The following MYOF variants were observed in gnomAD, a reference collection of about 807,000 sequenced individuals.
The protein encoded by MYOF is fer-1-like 3, myoferlin.
Under a neutral mutation model 284.2 loss-of-function variants are expected in MYOF, and 244 were observed. That is an observed-to-expected ratio of 0.86 (90% CI 0.77 to 0.95). The LOEUF is 0.95. MYOF is among the 40% of genes least tolerant of loss of function. The pLI is 0.00. For synonymous variants in MYOF, 904 were observed against 919.7 expected (o/e 0.98, Z 0.31); for missense variants, 2,496 against 2,560.6 (o/e 0.97, Z 0.54).
intron 2 of MYOF, among the ~76,000 whole-genome samples, chr10:93,452,817 A>G (rs1420942771): frequency 6.6e-6 from 1 of 152,194 alleles, no homozygotes; most frequent in Admixed American, 6.5e-5. Flanking sequence ...CTACTATCAA[A>G]CAAAGAAGAT....
chr10:93,411,347 T>C (rs1847891793), intron 5 of MYOF, among the ~76,000 whole-genome samples: 1 of 152,194 alleles, frequency 6.6e-6, no homozygotes, highest in African/African-American at 2.4e-5. Flanking sequence ...CTGCCTCCCA[T>C]GATGGAAGAA....
intron 40 of MYOF, 110 bp downstream of exon 40, chr10:93,337,705 C>G (rs1214438046): frequency 1.2e-6 from 1 of 825,440 alleles, no homozygotes; most frequent in Non-Finnish European, 1.9e-6. Flanking sequence ...TTCCTGGGCC[C>G]TGCTCATTAG....
Position 93,402,154 on chromosome 10 carries a change from T to G in MYOF, c.990+78A>C, listed in dbSNP as rs367660207. 6.2e-6 allele frequency: 7 copies of G among 1,123,914 alleles called. No individual in the cohort carries two copies. The East Asian group carries it at 9.4e-5, about 15-fold the overall frequency. 69.6% of individuals were successfully genotyped at this position (1,123,914 alleles called of 1,614,324 possible). On this transcript the variant is annotated intron_variant, in intron 11 of 53. Coordinates refer to ENST00000359263, the MANE Select transcript of MYOF (RefSeq NM_013451.4). ...CGGGAAGCTGTGCTCCATTTCACAA[T>G]TACCCATGCCCACATGCTTAACTCT... is the stretch of plus-strand genomic sequence containing the variant.
At chr10:93,309,205 A>G (rs1026200665) in intron 53 of MYOF, among the ~76,000 whole-genome samples, 1 of 152,168 alleles carries the variant, frequency 6.6e-6, no homozygotes, top group African/African-American at 2.4e-5. Flanking sequence ...TTCTGTCTCC[A>G]TAACAGCTCA....
In MYOF at chr10:93,353,842, G is replaced by T. The variant is rs1381377728; in HGVS notation, c.3450C>A (p.Asn1150Lys). 2.5e-6 allele frequency: 4 copies of T among 1,609,984 alleles called. No homozygotes were observed. The highest frequency in any genetic ancestry group is 1.7e-5 in the Admixed American group (1 of 59,774). Residue 1150 changes from asparagine (N) to lysine (K), a missense_variant, in exon 32 of 54, where the codon AAC (asparagine) becomes AAA (lysine). This residue lies in a region of MYOF where 2,436 missense variants were observed against 2,480.7 expected (regional missense o/e 0.98). Coordinates refer to ENST00000359263, the MANE Select transcript of MYOF (RefSeq NM_013451.4). ...AGCTATCCTTATCTAAAGCCAAGAG[G>T]TTTCTGGCTTGATAGACATAGCAGC... The part of the protein sequence containing the change: ...HLRCYVYQAR[N>K]LLALDKDSFS...
intron 10 of MYOF, 41 bp downstream of exon 10, chr10:93,402,819 T>C: frequency 6.4e-7 from 1 of 1,558,858 alleles, no homozygotes; most frequent in Non-Finnish European, 8.8e-7. Context: ...TTAGAAGGAA[T>C]GAATTTAAGA....
chr10:93,423,396 G>A (rs1198743051), intron 5 of MYOF, among the ~76,000 whole-genome samples: 3 of 151,156 alleles, frequency 2.0e-5, no homozygotes, highest in Non-Finnish European at 4.4e-5. Flanking sequence ...GTGTGGTCGC[G>A]GGCGCCTGTA....
intron 43 of MYOF, 29 bp from the exon 44 acceptor site, chr10:93,329,863 T>A: frequency 6.2e-7 from 1 of 1,612,058 alleles, no homozygotes; most frequent in African/African-American, 1.3e-5. Flanking sequence ...GGTCAGAATC[T>A]TCATGATCCA....
chr10:93,398,244 G>T (rs1194029056), intron 13 of MYOF, among the ~76,000 whole-genome samples: 1 of 151,962 alleles, frequency 6.6e-6, no homozygotes, highest in East Asian at 1.9e-4. Flanking sequence ...CCTTCTCCCT[G>T]CCTGGATGCC....
intron 1 of MYOF, among the ~76,000 whole-genome samples, chr10:93,465,766 C>T (rs112605250): frequency 3.9e-5 from 6 of 152,206 alleles, no homozygotes; most frequent in African/African-American, 1.4e-4. Flanking sequence ...CCGCCCACCT[C>T]CGCCTCCCAA....
At chr10:93,319,512 G>A (rs1667957805) in intron 49 of MYOF, among the ~76,000 whole-genome samples, 1 of 152,010 alleles carries the variant, frequency 6.6e-6, no homozygotes, top group Admixed American at 6.6e-5. Flanking sequence ...TTAATACTGG[G>A]CCTCTGCTTG....
chr10:93,399,532 A>G lies in MYOF; in HGVS notation c.1118-37T>C, dbSNP rs541368873. Reference sequence around the variant, plus strand: ...TAGTTATACAGCAGAAATTAAATTCAATTCCCAGAAATTTGGCAAAATTTT... The same window carrying G: ...TAGTTATACAGCAGAAATTAAATTCGATTCCCAGAAATTTGGCAAAATTTT... On this transcript the variant is annotated intron_variant, in intron 12 of 53. Transcript: ENST00000359263. The G allele has an allele frequency of 1.4e-4, 212 of 1,522,130 alleles. 5 individuals carry two copies. In the South Asian group the frequency reaches 2.3e-3, roughly 17 times the overall value. The allele number at this position is 1,522,130 out of a possible 1,614,324, so 94.3% of individuals were successfully genotyped here.
intron 3 of MYOF, among the ~76,000 whole-genome samples, chr10:93,447,694 A>G (rs944703538): frequency 6.6e-6 from 1 of 152,106 alleles, no homozygotes; most frequent in Non-Finnish European, 1.5e-5. Flanking sequence ...ATTAGTCTCA[A>G]AGTGTGACGT....
intron 19 of MYOF, among the ~76,000 whole-genome samples, chr10:93,382,312 T>C (rs1470207081): frequency 1.3e-5 from 2 of 152,038 alleles, no homozygotes; most frequent in Admixed American, 6.6e-5. Flanking sequence ...GATCACGGCT[T>C]ACTACAGCTT....
intron 37 of MYOF, among the ~76,000 whole-genome samples, chr10:93,345,266 A>G (rs1452812062): frequency 1.3e-5 from 2 of 152,238 alleles, no homozygotes; most frequent in Non-Finnish European, 2.9e-5. Flanking sequence ...GTCCTGTAGA[A>G]TATGTGCCAT....
At position 93,443,258 on chromosome 10, in the gene MYOF, A is replaced by C. The variant is rs1412761630; in HGVS notation, c.236+8792T>G. On this transcript the variant is annotated intron_variant, in intron 3 of 53. Coordinates refer to ENST00000359263, the MANE Select transcript of MYOF (RefSeq NM_013451.4). ...GGTCAGTTTCTATTGATTGTTTTCTACCTACATTAGGGAGGCAAAATCCTT... is the reference window on the plus strand; with the variant it reads ...GGTCAGTTTCTATTGATTGTTTTCTCCCTACATTAGGGAGGCAAAATCCTT... Among the ~76,000 whole-genome samples the C allele has an allele frequency of 9.2e-5, 14 of 152,218 alleles. No individual in the cohort carries two copies. The East Asian group carries it at 2.3e-3, about 25-fold the overall frequency.
Position 93,340,181 on chromosome 10 carries a change from C to T in MYOF, c.4327-17G>A, listed in dbSNP as rs1371298860. 1.2e-6 allele frequency: 2 copies of T among 1,613,918 alleles called. No individual in the cohort carries two copies. The highest frequency in any genetic ancestry group is 4.5e-5 in the East Asian group (2 of 44,866). Reference sequence around the variant, plus strand: ...TTCTGTCAGCTGCTCGTGCACATGTCCCGTGAGGAAGAGGGCAAACCATAT... The same window carrying T: ...TTCTGTCAGCTGCTCGTGCACATGTTCCGTGAGGAAGAGGGCAAACCATAT... On this transcript the variant is annotated splice_polypyrimidine_tract_variant and intron_variant, in intron 38 of 53. Transcript: ENST00000359263.
chr10:93,348,003 C>G (rs1844315007), intron 36 of MYOF, among the ~76,000 whole-genome samples: 2 of 152,234 alleles, frequency 1.3e-5, no homozygotes, highest in African/African-American at 4.8e-5. Context: ...CATGAACTAC[C>G]TGGCTAACCC....
intron 48 of MYOF, among the ~76,000 whole-genome samples, chr10:93,322,796 C>T (rs1048904987): frequency 3.3e-5 from 5 of 152,114 alleles, no homozygotes; most frequent in Admixed American, 2.6e-4. Context: ...AATAATACAT[C>T]TGCTTAAGAA....
Sources: allele counts gnomAD v4.1 joint callset (sites outside exome capture counted in the v4.1 genomes callset), GRCh38; gene constraint gnomAD v4.1.1; regional missense constraint gnomAD v4.1.1; transcripts MANE v1.5; gene names NCBI Gene and HGNC (gene_info 2026-07-23, HGNC 2026-07-21).